The following SUPT3H variants were observed in gnomAD, a reference collection of about 807,000 sequenced individuals.
The protein encoded by SUPT3H is SPT3 homolog, SAGA and STAGA complex component.
Under a neutral mutation model 44.3 loss-of-function variants are expected in SUPT3H, and 44 were observed. The observed-to-expected ratio is 0.99, with a 90% CI of 0.78 to 1.28. SUPT3H has a LOEUF of 1.28. Ranked by LOEUF, SUPT3H falls within the 50% of genes most tolerant of loss-of-function variation. SUPT3H has a pLI of 0.00. For missense variants in SUPT3H, 380 were observed against 387.1 expected (o/e 0.98, Z 0.15); for synonymous variants, 124 against 125.6 (o/e 0.99, Z 0.09).
chr6:45,204,189 G>C (rs1218934724), intron 2 of SUPT3H, among the ~76,000 whole-genome samples: 1 of 150,680 alleles, frequency 6.6e-6, no homozygotes, highest in Non-Finnish European at 1.5e-5. Context: ...GGAGGTTGCA[G>C]TGAGCCGAGA....
intron 9 of SUPT3H, among the ~76,000 whole-genome samples, chr6:44,934,440 ATACTCCTAT>A (rs1201674596): frequency 2.6e-5 from 4 of 152,232 alleles, no homozygotes; most frequent in Non-Finnish European, 5.9e-5. Flanking sequence ...AGTTCCCTAC[ATACTCCTAT>A]GGAGCTATCT....
At chr6:44,863,814 C>T (rs569062745) in intron 10 of SUPT3H, among the ~76,000 whole-genome samples, 5 of 152,246 alleles carry the variant, frequency 3.3e-5, no homozygotes, top group African/African-American at 9.6e-5. Context: ...GCAAGAGTCA[C>T]GTCTCACATC....
At chr6:45,247,735 T>C (rs1249031506) in intron 2 of SUPT3H, among the ~76,000 whole-genome samples, 1 of 150,822 alleles carries the variant, frequency 6.6e-6, no homozygotes, top group Admixed American at 6.6e-5. Context: ...CTAACTTTCA[T>C]ACAAAAAAGG....
At chr6:45,293,218 A>T (rs557029387) in intron 2 of SUPT3H, among the ~76,000 whole-genome samples, 1 of 152,302 alleles carries the variant, frequency 6.6e-6, no homozygotes, top group African/African-American at 2.4e-5. Context: ...GAAATTAAAC[A>T]ACCTGCTCCT....
At chr6:44,940,763 C>T (rs1207572322) in intron 9 of SUPT3H, among the ~76,000 whole-genome samples, 1 of 152,074 alleles carries the variant, frequency 6.6e-6, no homozygotes, top group East Asian at 1.9e-4. Context: ...TGCATATATA[C>T]TTAGAATTGT....
Position 44,893,323 on chromosome 6 carries a change from C to T in SUPT3H, c.912+39330G>A, listed in dbSNP as rs555224701. 7.5e-3 allele frequency among the ~76,000 whole-genome samples: 1,147 copies of T among 152,256 alleles called. 21 individuals are homozygous for T. The highest frequency in any genetic ancestry group is 0.026 in the African/African-American group (1,084 of 41,540). ...ACATGTGCCATGCTGGTGCGCTGCACCCACTAACTCGTCATCTAGCATTAG... is the reference window on the plus strand; with the variant it reads ...ACATGTGCCATGCTGGTGCGCTGCATCCACTAACTCGTCATCTAGCATTAG... On this transcript the variant is annotated intron_variant, in intron 10 of 10. Coordinates refer to ENST00000371459, the MANE Select transcript of SUPT3H (RefSeq NM_003599.4).
chr6:44,999,963 C>T (rs1781794264), intron 6 of SUPT3H, among the ~76,000 whole-genome samples: 1 of 151,808 alleles, frequency 6.6e-6, no homozygotes. Flanking sequence ...TTAACTTTTA[C>T]CTTTTAAATA....
chr6:45,247,263 C>G (rs1017269652), intron 2 of SUPT3H, among the ~76,000 whole-genome samples: 5 of 152,168 alleles, frequency 3.3e-5, no homozygotes, highest in Admixed American at 1.3e-4. Context: ...TTGAGCAGCC[C>G]TTCTGCTATC....
At chr6:44,949,373 A>G (rs1279722829) in intron 9 of SUPT3H, among the ~76,000 whole-genome samples, 1 of 152,144 alleles carries the variant, frequency 6.6e-6, no homozygotes, top group African/African-American at 2.4e-5. Context: ...CATGTACCCT[A>G]GAACTTAAAG....
intron 6 of SUPT3H, among the ~76,000 whole-genome samples, chr6:44,963,414 T>C (rs569572809): frequency 6.6e-6 from 1 of 152,090 alleles, no homozygotes; most frequent in Non-Finnish European, 1.5e-5. Flanking sequence ...TGCTTGAACC[T>C]GGGAGGTGGA....
At chr6:44,957,845 T>C (rs2153475959) in intron 7 of SUPT3H, among the ~76,000 whole-genome samples, 1 of 152,332 alleles carries the variant, frequency 6.6e-6, no homozygotes, top group South Asian at 2.1e-4. Flanking sequence ...AAGACATGCA[T>C]AGAAGTCCAA....
At chr6:44,822,279 A>T (rs1767381647), downstream of SUPT3H, among the ~76,000 whole-genome samples, 1 of 152,216 alleles carries the variant, frequency 6.6e-6, no homozygotes, top group South Asian at 2.1e-4. Flanking sequence ...TTTTAATTTC[A>T]AGCTACTCTT....
At chr6:44,966,052 C>G (rs961606028) in intron 6 of SUPT3H, among the ~76,000 whole-genome samples, 11 of 151,946 alleles carry the variant, frequency 7.2e-5, no homozygotes, top group African/African-American at 2.7e-4. Flanking sequence ...GGAGACAAGG[C>G]AGTTTTAAAG....
chr6:45,273,974 G>T (rs1776621725), intron 2 of SUPT3H, among the ~76,000 whole-genome samples: 1 of 152,084 alleles, frequency 6.6e-6, no homozygotes, highest in Non-Finnish European at 1.5e-5. Context: ...CATCACATTT[G>T]TTATCTTTTT....
At chr6:44,870,597 T>G (rs1582103541) in intron 10 of SUPT3H, among the ~76,000 whole-genome samples, 1 of 91,262 alleles carries the variant, frequency 1.1e-5, no homozygotes, top group African/African-American at 3.7e-5. Context: ...AGACTCTGTC[T>G]CAAAAAAAAA....
In SUPT3H at chr6:44,849,228, T is replaced by TAA. The variant is rs1237911435; in HGVS notation, c.913-19372_913-19371insTT. On this transcript the variant is annotated intron_variant, in intron 10 of 10. Transcript: ENST00000371459. ...AGCACTACAAATGAATACTTTTTTT[T>TAA]TTTTTTTTTTTTTTTTGAGACGGAG... Among the ~76,000 whole-genome samples the TAA allele has an allele frequency of 9.3e-5, 13 of 139,718 alleles. No individual in the cohort carries two copies. The South Asian group carries it at 9.7e-4, about 10-fold the overall frequency. 91.7% of individuals were successfully genotyped at this position (139,718 alleles called of 152,430 possible).
chr6:45,271,576 G>T (rs964508378), intron 2 of SUPT3H, among the ~76,000 whole-genome samples: 1 of 152,182 alleles, frequency 6.6e-6, no homozygotes, highest in Non-Finnish European at 1.5e-5. Flanking sequence ...GTAATGCCTG[G>T]ATACCCACGC....
chr6:45,186,497 A>T (rs1360981134), intron 2 of SUPT3H, among the ~76,000 whole-genome samples: 1 of 152,206 alleles, frequency 6.6e-6, no homozygotes, highest in Admixed American at 6.5e-5. Context: ...TAATAGCCCA[A>T]ATGAACTCGC....
At chr6:44,863,253 C>T (rs1774952905) in intron 10 of SUPT3H, among the ~76,000 whole-genome samples, 1 of 152,174 alleles carries the variant, frequency 6.6e-6, no homozygotes, top group South Asian at 2.1e-4. Flanking sequence ...AAAGTCCATG[C>T]TCTCACACAA....
Sources: allele counts gnomAD v4.1 joint callset (sites outside exome capture counted in the v4.1 genomes callset), GRCh38; gene constraint gnomAD v4.1.1; transcripts MANE v1.5; gene names NCBI Gene and HGNC (gene_info 2026-07-23, HGNC 2026-07-21).